PDSS1: variants seen among roughly 807,000 people sequenced by gnomAD.
The protein encoded by PDSS1 is decaprenyl diphosphate synthase subunit 1, also known as all trans-polyprenyl-diphosphate synthase PDSS1.
PDSS1 carries 43 observed loss-of-function variants against 57.5 expected under a neutral mutation model. That is an observed-to-expected ratio of 0.75 (90% CI 0.59 to 0.96). The LOEUF is 0.96. Ranked by LOEUF, PDSS1 falls within the 50% of genes least tolerant of loss-of-function variation. The probability of loss-of-function intolerance (pLI) is 0.00; values close to 1 mark genes in which losing one functional copy is unlikely to be tolerated. For synonymous variants in PDSS1, 175 were observed against 191.3 expected, an observed-to-expected ratio of 0.91 and a Z score of 0.70; for missense variants, 438 against 527.8, an observed-to-expected ratio of 0.83 and a Z score of 1.67.
chr10:26,740,349 G>A (rs1460887275), intron 10 of PDSS1, among the ~76,000 whole-genome samples: 1 of 152,086 alleles, frequency 6.6e-6, no homozygotes, highest in Admixed American at 6.6e-5. Flanking sequence ...TACCGTAGAA[G>A]TTGATTTGGG....
intron 1 of PDSS1, 72 bp downstream of exon 1, chr10:26,697,912 A>G: frequency 1.7e-6 from 2 of 1,201,694 alleles, no homozygotes. Context: ...GGCGGAATGA[A>G]TGGGAGCGGG....
At chr10:26,745,974 TAA>T (rs1836864288) in intron 11 of PDSS1, among the ~76,000 whole-genome samples, 1 of 152,244 alleles carries the variant, frequency 6.6e-6, no homozygotes, top group African/African-American at 2.4e-5. Context: ...ATTTTTTAAG[TAA>T]GTTTTACTTG....
intron 5 of PDSS1, chr10:26,714,689 A>C (rs1001856255): frequency 6.6e-6 from 1 of 152,200 alleles, no homozygotes; most frequent in Non-Finnish European, 1.5e-5. Context: ...AGAAGTGAAT[A>C]TCATTGCCAG....
chr10:26,746,274 T>C, intron 11 of PDSS1, 59 bp from the exon 12 acceptor site: 1 of 1,568,292 alleles, frequency 6.4e-7, no homozygotes, highest in Non-Finnish European at 8.8e-7. Flanking sequence ...TAGCAGGAAG[T>C]TAAAACGCTG....
Position 26,712,704 on chromosome 10 carries a change from A to G in PDSS1, c.467+2936A>G, listed in dbSNP as rs543049972. On this transcript the variant is annotated intron_variant, in intron 5 of 11. Coordinates refer to ENST00000376215, the MANE Select transcript of PDSS1 (RefSeq NM_014317.5). ...GATGAGGCTTCTGGAGAGCTGGGCC[A>G]TTTGTGATTTTGCTTTTGCTGAGAA... is the stretch of plus-strand genomic sequence containing the variant. Among the ~76,000 whole-genome samples the G allele has an allele frequency of 2.0e-5, 2 of 98,702 alleles. 1 individual carries two copies. The highest frequency in any genetic ancestry group is 5.0e-4 in the East Asian group (2 of 3,990). The allele number at this position is 98,702 out of a possible 152,430, so 64.8% of individuals were successfully genotyped here.
intron 10 of PDSS1, chr10:26,740,938 T>C (rs1233043341): frequency 4.2e-6 from 1 of 239,796 alleles, no homozygotes; most frequent in Non-Finnish European, 8.7e-6. Context: ...ATATCGATTT[T>C]ACCTTCAGTT....
intron 4 of PDSS1, among the ~76,000 whole-genome samples, chr10:26,707,963 C>T (rs1028481257): frequency 1.3e-5 from 2 of 152,226 alleles, no homozygotes; most frequent in Non-Finnish European, 1.5e-5. Flanking sequence ...TCCCCACTGC[C>T]CCAGGCCAGG....
chr10:26,708,960 C>T (rs1780179), intron 4 of PDSS1, among the ~76,000 whole-genome samples: 83,848 of 152,068 alleles, frequency 0.55, 23,637 homozygotes, highest in Middle Eastern at 0.64. Context: ...CTCCATCTTT[C>T]AAGCTGCGAA....
At chr10:26,740,470 A>T (rs984825144) in intron 10 of PDSS1, among the ~76,000 whole-genome samples, 1 of 152,248 alleles carries the variant, frequency 6.6e-6, no homozygotes, top group African/African-American at 2.4e-5. Context: ...TTCTGTAAAC[A>T]CATTAGCAGT....
chr10:26,702,225 A>G (rs1299504678), intron 2 of PDSS1, 31 bp downstream of exon 2: 2 of 444,038 alleles, frequency 4.5e-6, no homozygotes, highest in Non-Finnish European at 8.9e-6. Context: ...TTTTGAGTTA[A>G]TGCTAGAATG....
intron 8 of PDSS1, among the ~76,000 whole-genome samples, chr10:26,725,297 A>G (rs1277816934): frequency 6.6e-6 from 1 of 152,206 alleles, no homozygotes; most frequent in African/African-American, 2.4e-5. Flanking sequence ...GACCTCTCAG[A>G]TGAAAAAGTC....
At chr10:26,698,798 T>C (rs1174390198) in intron 1 of PDSS1, among the ~76,000 whole-genome samples, 2 of 152,262 alleles carry the variant, frequency 1.3e-5, no homozygotes, top group African/African-American at 2.4e-5. Flanking sequence ...ATCTACTTTG[T>C]ACCAAAGTAG....
intron 8 of PDSS1, among the ~76,000 whole-genome samples, chr10:26,728,438 C>T (rs113475994): frequency 2.0e-3 from 301 of 151,826 alleles, no homozygotes; most frequent in Non-Finnish European, 3.0e-3. Flanking sequence ...TGCAGTGAGC[C>T]GAGATTGCAC....
At chr10:26,710,251 C>CT (rs771371336) in intron 5 of PDSS1, among the ~76,000 whole-genome samples, 2,324 of 82,760 alleles carry the variant, frequency 0.028, 597 homozygotes, top group African/African-American at 0.084. Flanking sequence ...AGTCTGGCAT[C>CT]TTTTTTTTTT....
rs1255205567 is a variant in PDSS1, at chr10:26,712,959, G to GT, written c.467+3198dup. 8.6e-5 allele frequency among the ~76,000 whole-genome samples: 8 copies of GT among 93,052 alleles called. 3 individuals are homozygous for GT. Among genetic ancestry groups the GT allele is most frequent in the African/African-American group, 2.1e-4 (6 of 28,560 alleles). The allele number at this position is 93,052 out of a possible 152,430, so 61.0% of individuals were successfully genotyped here. A position where few individuals can be genotyped will look rare whatever the true frequency, so the allele number is the denominator to read the frequency against. On this transcript the variant is annotated intron_variant, in intron 5 of 11. Transcript: ENST00000376215. The stretch of plus-strand genomic sequence containing the variant: ...GGCTTATCAGATGCTGTGTTTTTTT[G>GT]TTTTTTTGTTTTTTTTTTTGCTTCT...
intron 11 of PDSS1, among the ~76,000 whole-genome samples, chr10:26,744,794 A>T (rs894616159): frequency 1.3e-5 from 2 of 152,176 alleles, no homozygotes; most frequent in African/African-American, 4.8e-5. Flanking sequence ...GCAAACTAAA[A>T]TATGTCATGT....
chr10:26,698,951 C>CT (rs1229986889), intron 1 of PDSS1, among the ~76,000 whole-genome samples: 1 of 152,148 alleles, frequency 6.6e-6, no homozygotes, highest in Non-Finnish European at 1.5e-5. Context: ...TAGCAAGACT[C>CT]TGTCTCTATA....
At chr10:26,705,918 A>T in intron 4 of PDSS1, among the ~76,000 whole-genome samples, 1 of 152,188 alleles carries the variant, frequency 6.6e-6, no homozygotes, top group Middle Eastern at 3.2e-3. Flanking sequence ...CAGGGTTGGG[A>T]ACCTGAAGGA....
chr10:26,700,119 C>T (rs1834999665), intron 1 of PDSS1, among the ~76,000 whole-genome samples: 1 of 152,108 alleles, frequency 6.6e-6, no homozygotes, highest in Non-Finnish European at 1.5e-5. Flanking sequence ...CAATAAAAAC[C>T]AGTGTGCATG....
Sources: gnomAD v4.1 joint callset for allele counts (sites outside exome capture counted in the v4.1 genomes callset) on GRCh38, gnomAD v4.1.1 for gene constraint, MANE v1.5 for transcripts, NCBI Gene and HGNC (gene_info 2026-07-23, HGNC 2026-07-21) for gene names.